Variants in DMKN observed in about 807,000 individuals in gnomAD.
DMKN encodes the protein dermokine.
A neutral mutation model predicts 67.6 loss-of-function variants in DMKN; 58 were observed. The ratio of observed to expected loss-of-function variants is 0.86; its 90% CI spans 0.69 to 1.07. The LOEUF (loss-of-function observed/expected upper bound fraction) is 1.07. Ranked by LOEUF, DMKN falls within the 50% of genes least tolerant of loss-of-function variation. The probability of loss-of-function intolerance (pLI) is 0.00; values close to 1 mark genes in which losing one functional copy is unlikely to be tolerated. For missense variants in DMKN, 596 were observed against 601.5 expected, an observed-to-expected ratio of 0.99 and a Z score of 0.10; for synonymous variants, 240 against 232.3, an observed-to-expected ratio of 1.03 and a Z score of -0.30.
At chr19:35,511,343 G>GC (rs2070715948) in intron 5 of DMKN, 68 bp downstream of exon 5, 3 of 1,594,400 alleles carry the variant, frequency 1.9e-6, no homozygotes, top group Non-Finnish European at 2.6e-6. Context: ...GAAACTTGGA[G>GC]CCCTCTCCCG....
chr19:35,504,847 C>T (rs1568592047), intron 9 of DMKN, among the ~76,000 whole-genome samples: 2 of 151,786 alleles, frequency 1.3e-5, no homozygotes, highest in Non-Finnish European at 2.9e-5. Flanking sequence ...AGTGACCCCC[C>T]CACCCATTCC....
At position 35,510,183 on chromosome 19, in the gene DMKN, C is replaced by T. The variant is rs1448272049; in HGVS notation, c.987+1G>A. On this transcript the variant is annotated splice_donor_variant, in intron 6 of 15. Coordinates refer to ENST00000339686, the MANE Select transcript of DMKN (RefSeq NM_033317.5). LOFTEE classifies it high-confidence loss of function. ...GTGGGAGATTCACGCCAGCCACTCA[C>T]CCCGGGTTTATGTCCATTTCCTCCG... 5 of 1,607,962 alleles carry T rather than the reference C, an allele frequency of 3.1e-6. No individual in the cohort carries two copies. The Admixed American group carries it at 6.7e-5, about 22-fold the overall frequency.
Position 35,511,828 on chromosome 19 carries a change from G to T in DMKN, c.685-15C>A. The T allele has an allele frequency of 6.2e-7, 1 of 1,610,386 alleles. No individual in the cohort carries two copies. The highest frequency in any genetic ancestry group is 1.1e-5 in the South Asian group (1 of 90,426). ...GGATTCGTGCACTGTCGAGGGAAAG[G>T]GATGGTGAGTTTGGGGACGGTGAGT... On this transcript the variant is annotated splice_polypyrimidine_tract_variant and intron_variant, in intron 3 of 15. Coordinates refer to ENST00000339686, the MANE Select transcript of DMKN (RefSeq NM_033317.5).
intron 15 of DMKN, 93 bp downstream of exon 15, chr19:35,498,623 G>T: frequency 6.4e-7 from 1 of 1,555,294 alleles, no homozygotes; most frequent in South Asian, 1.2e-5. Context: ...TGCCCACTGA[G>T]ATCTGAGGAT....
intron 9 of DMKN, 93 bp from the exon 10 acceptor site, chr19:35,502,979 T>G (rs188168799): frequency 1.4e-4 from 193 of 1,375,640 alleles, no homozygotes; most frequent in South Asian, 1.4e-5. Flanking sequence ...ACCTTCAGAA[T>G]GTCATTGTGA....
chr19:35,511,468 A>ACCACTGCTGCTGCCACTCCTGCTG lies in DMKN; in HGVS notation c.860_861insCAGCAGGAGTGGCAGCAGCAGTGG (p.Gly287_Gly288insSerArgSerGlySerSerSerGly). 2 of 1,095,870 alleles carry ACCACTGCTGCTGCCACTCCTGCTG rather than the reference A, an allele frequency of 1.8e-6. No homozygotes were observed. Among genetic ancestry groups the ACCACTGCTGCTGCCACTCCTGCTG allele is most frequent in the East Asian group, 1.1e-4 (2 of 17,596 alleles). 67.9% of individuals were successfully genotyped at this position (1,095,870 alleles called of 1,614,324 possible). ...TGCCACCACTGTTGCCACTGCTGCC[A>ACCACTGCTGCTGCCACTCCTGCTG]CCACTGCTGCCGCCACTGCTGCCGC... On this transcript the variant is annotated inframe_insertion, in exon 5 of 16. Coordinates refer to ENST00000339686, the MANE Select transcript of DMKN (RefSeq NM_033317.5).
At chr19:35,498,370 GTTTGT>G (rs1336984101) in intron 15 of DMKN, 9 of 272,316 alleles carry the variant, frequency 3.3e-5, no homozygotes, top group Non-Finnish European at 4.8e-5. Flanking sequence ...TTTTGTTTTG[GTTTGT>G]TTTGTTTTGT....
At chr19:35,503,471 T>TTGG in intron 9 of DMKN, 1 of 1,491,840 alleles carries the variant, frequency 6.7e-7, no homozygotes, top group East Asian at 2.5e-5. Context: ...CAGGTTTTTT[T>TTGG]TTGTTTTTTT....
At chr19:35,511,714 C>G (rs370548431) in intron 4 of DMKN, 49 bp downstream of exon 4, 4 of 1,599,904 alleles carry the variant, frequency 2.5e-6, no homozygotes, top group Non-Finnish European at 3.4e-6. Flanking sequence ...AGCAGAACTT[C>G]TCCATTTCCT....
chr19:35,511,703 G>T, intron 4 of DMKN, 60 bp downstream of exon 4: 1 of 1,596,884 alleles, frequency 6.3e-7, no homozygotes, highest in Admixed American at 1.7e-5. Flanking sequence ...AGTCTAAGGG[G>T]AGCAGAACTT....
chr19:35,502,270 G>C, intron 10 of DMKN, 87 bp from the exon 11 acceptor site: 1 of 1,356,776 alleles, frequency 7.4e-7, no homozygotes, highest in Non-Finnish European at 1.1e-6. Flanking sequence ...TCCAGATCTC[G>C]GGTAGGAAGG....
At position 35,508,251 on chromosome 19, in the gene DMKN, A is replaced by G. The variant is rs1408560119; in HGVS notation, c.1038+1660T>C. 3.2e-6 allele frequency: 5 copies of G among 1,552,010 alleles called. No homozygotes were observed. In the African/African-American group the frequency reaches 6.8e-5, roughly 21 times the overall value. ...CTGTCCTCTGAAGCCCTGCAGGGTGAGACAAAGAAACACAGACCCCTGCTG... is the reference window on the plus strand; with the variant it reads ...CTGTCCTCTGAAGCCCTGCAGGGTGGGACAAAGAAACACAGACCCCTGCTG... On this transcript the variant is annotated intron_variant, in intron 7 of 15. Coordinates refer to ENST00000339686, the MANE Select transcript of DMKN (RefSeq NM_033317.5).
At chr19:35,510,614 G>T in intron 5 of DMKN, 1 of 1,434,898 alleles carries the variant, frequency 7.0e-7, no homozygotes, top group Non-Finnish European at 9.2e-7. Flanking sequence ...GGCCGTAGCT[G>T]CCTTGGTCAC....
chr19:35,503,276 G>C, intron 9 of DMKN: 1 of 1,490,098 alleles, frequency 6.7e-7, no homozygotes, highest in Admixed American at 2.6e-5. Context: ...TAACAGCGGA[G>C]ACGTAAGAAA....
Position 35,510,165 on chromosome 19 carries a change from AT to A in DMKN, c.987+18del. On this transcript the variant is annotated intron_variant, in intron 6 of 15. Coordinates refer to ENST00000339686, the MANE Select transcript of DMKN (RefSeq NM_033317.5). ...TTTTCCTTCCCGCGGTTGGTGGGAG[AT>A]TCACGCCAGCCACTCACCCCGGGTT... The A allele has an allele frequency of 6.2e-7, 1 of 1,601,260 alleles. No individual in the cohort carries two copies. Among genetic ancestry groups the A allele is most frequent in the South Asian group, 1.1e-5 (1 of 89,156 alleles).
At position 35,512,404 on chromosome 19, in the gene DMKN, C is replaced by T. The variant is rs1568648174; in HGVS notation, c.684+17G>A. 4 of 1,613,496 alleles carry T rather than the reference C, an allele frequency of 2.5e-6. No individual in the cohort carries two copies. The highest frequency in any genetic ancestry group is 2.2e-5 in the East Asian group (1 of 44,900). On this transcript the variant is annotated intron_variant, in intron 3 of 15. Coordinates refer to ENST00000339686, the MANE Select transcript of DMKN (RefSeq NM_033317.5). ...ACCCAGTGGCTTCTTCATTTGTTCCCAGCCCCTTCCTCTTACCCCTTCATT... is the reference window on the plus strand; with the variant it reads ...ACCCAGTGGCTTCTTCATTTGTTCCTAGCCCCTTCCTCTTACCCCTTCATT...
rs753436058 is a variant in DMKN, at chr19:35,502,865, T to A, written c.1156A>T (p.Thr386Ser). 1 of 1,613,856 alleles carries A rather than the reference T, an allele frequency of 6.2e-7. No homozygotes were observed. The highest frequency in any genetic ancestry group is 8.5e-7 in the Non-Finnish European group (1 of 1,179,926). The part of the protein sequence containing the change: ...INKNQVPPPS[T>S]RALLYFSRLW... ...CGGCTGAAGTAGAGGAGGGCTCGGG[T>A]GCTGGGGGGCGGGACCTGGTTCTGT... The change falls in exon 10 of 16, where the codon ACC (threonine) becomes TCC (serine). Residue 386 changes from threonine (T) to serine (S), a missense_variant. Thr to Ser is a moderately conservative substitution (Grantham distance 58). Transcript: ENST00000339686.
At chr19:35,507,798 A>C in intron 7 of DMKN, 1 of 451,542 alleles carries the variant, frequency 2.2e-6, no homozygotes, top group Non-Finnish European at 4.0e-6. Flanking sequence ...GCCGCCCAAA[A>C]TCCATCAGGG....
chr19:35,507,559 AG>A (rs1167471468), intron 7 of DMKN: 1 of 1,520,120 alleles, frequency 6.6e-7, no homozygotes, highest in Non-Finnish European at 8.9e-7. Context: ...GCAGGCGGGC[AG>A]GGGGACGAGA....
Sources: gnomAD v4.1 joint callset for allele counts (sites outside exome capture counted in the v4.1 genomes callset) on GRCh38, gnomAD v4.1.1 for gene constraint, MANE v1.5 for transcripts, NCBI Gene and HGNC (gene_info 2026-07-23, HGNC 2026-07-21) for gene names.